C3orf70: variants seen among roughly 807,000 people sequenced by gnomAD.
The protein encoded by C3orf70 is UPF0524 protein C3orf70.
C3orf70 carries 15 observed loss-of-function variants against 20.7 expected under a neutral mutation model. The ratio of observed to expected loss-of-function variants is 0.72; its 90% confidence interval spans 0.48 to 1.11. The LOEUF is 1.11. C3orf70 is among the 50% of genes most tolerant of loss of function. The probability of loss-of-function intolerance (pLI) is 0.00; values close to 1 mark genes in which losing one functional copy is unlikely to be tolerated. For synonymous variants in C3orf70, 161 were observed against 125.7 expected, an observed-to-expected ratio of 1.28 and a Z score of -1.88; for missense variants, 332 against 317.6, an observed-to-expected ratio of 1.05 and a Z score of -0.34.
At chr3:185,086,305 A>C (rs1347821391) in intron 1 of C3orf70, among the ~76,000 whole-genome samples, 1 of 151,894 alleles carries the variant, frequency 6.6e-6, no homozygotes, top group African/African-American at 2.4e-5. Context: ...TTCTTTCTTG[A>C]AAGTGTAGTG....
At chr3:185,122,959 C>G (rs1561354603) in intron 1 of C3orf70, among the ~76,000 whole-genome samples, 1 of 151,350 alleles carries the variant, frequency 6.6e-6, no homozygotes, top group African/African-American at 2.4e-5. Flanking sequence ...AGTTCAAGAC[C>G]AGTCTGGCCA....
At chr3:185,095,302 C>T (rs1381075530) in intron 1 of C3orf70, among the ~76,000 whole-genome samples, 1 of 151,988 alleles carries the variant, frequency 6.6e-6, no homozygotes, top group African/African-American at 2.4e-5. Context: ...CAATGAAATC[C>T]CTATCGGGGG....
At chr3:185,151,171 A>G (rs1227392700) in intron 1 of C3orf70, among the ~76,000 whole-genome samples, 3 of 152,250 alleles carry the variant, frequency 2.0e-5, no homozygotes, top group African/African-American at 7.2e-5. Context: ...GAGTATTTTA[A>G]GAGTCAAGGC....
At chr3:185,117,806 A>G (rs1451423709) in intron 1 of C3orf70, among the ~76,000 whole-genome samples, 1 of 152,188 alleles carries the variant, frequency 6.6e-6, no homozygotes, top group Non-Finnish European at 1.5e-5. Context: ...GCTACGTTCT[A>G]GCTAGACTGA....
chr3:185,108,868 T>A (rs955311333), intron 1 of C3orf70, among the ~76,000 whole-genome samples: 15 of 152,226 alleles, frequency 9.9e-5, no homozygotes, highest in African/African-American at 3.6e-4. Flanking sequence ...TCTCACTTTG[T>A]CTGGGCTACA....
At chr3:185,113,336 C>A (rs1716112388) in intron 1 of C3orf70, among the ~76,000 whole-genome samples, 1 of 147,728 alleles carries the variant, frequency 6.8e-6, no homozygotes, top group Non-Finnish European at 1.5e-5. Context: ...ACAGATGAGA[C>A]TTGTAAAGAA....
At chr3:185,141,801 AACACAC>A (rs66562532) in intron 1 of C3orf70, among the ~76,000 whole-genome samples, 255 of 146,458 alleles carry the variant, frequency 1.7e-3, no homozygotes, top group African/African-American at 5.1e-3. Flanking sequence ...ATGCAAAGGA[AACACAC>A]ACACACACAC....
Position 185,083,346 on chromosome 3 carries a change from A to C in C3orf70, c.414T>G (p.Cys138Trp), listed in dbSNP as rs769351177. 1 of 1,614,182 alleles carries C rather than the reference A, an allele frequency of 6.2e-7. No individual in the cohort carries two copies. Among genetic ancestry groups the C allele is most frequent in the South Asian group, 1.1e-5 (1 of 91,084 alleles). ...DLFIDNYQVK[C>W]INGKMCYVQK... ...GCACATAACACATCTTCCCATTAAT[A>C]CATTTAACCTGATAGTTGTCAATAA... The change falls in exon 2 of 2, where the codon TGT (cysteine) becomes TGG (tryptophan). Residue 138 changes from cysteine (C) to tryptophan (W), a missense_variant. Cys to Trp is a radical substitution (Grantham distance 215). Transcript: ENST00000335012.
chr3:185,152,768 T>C lies in C3orf70; in HGVS notation c.56A>G (p.Asp19Gly). The change falls in exon 1 of 2, where the codon GAT becomes GGT. Residue 19 changes from aspartate to glycine, a missense_variant. Coordinates refer to ENST00000335012, the MANE Select transcript of C3orf70 (RefSeq NM_001025266.3). ...ACTCCGCGCCAGGGCCTGAGCCTCA[T>C]CTAGTTTCTCGCTCTTCCAACCCCG... ...SERGWKSEKL[D>G]EAQALARSCA... The C allele has an allele frequency of 6.3e-7, 1 of 1,584,568 alleles. No homozygotes were observed. Among genetic ancestry groups the C allele is most frequent in the Non-Finnish European group, 8.6e-7 (1 of 1,166,192 alleles).
At chr3:185,116,881 C>T (rs1349561072) in intron 1 of C3orf70, among the ~76,000 whole-genome samples, 1 of 151,898 alleles carries the variant, frequency 6.6e-6, no homozygotes, top group African/African-American at 2.4e-5. Context: ...GGGGTTCACG[C>T]CATTCTCCTG....
At position 185,078,415 on chromosome 3, in the gene C3orf70, GCTAA is replaced by G. The variant is rs1282879965; in HGVS notation, c.*4588_*4591del. On this transcript the variant is annotated 3_prime_UTR_variant, in exon 2 of 2. Transcript: ENST00000335012. ...TGAAACATGGCCTTTTCCTAGAACA[GCTAA>G]CTCTCAGTTATCTACAGTAATGAAA... 6 of 152,206 alleles carry G rather than the reference GCTAA, an allele frequency of 3.9e-5. No individual in the cohort carries two copies. The highest frequency in any genetic ancestry group is 1.4e-4 in the African/African-American group (6 of 41,438). 9.4% of individuals were successfully genotyped at this position (152,206 alleles called of 1,614,324 possible).
rs1715320443 is a variant in C3orf70, at chr3:185,080,803, C to T, written c.*2204G>A. On this transcript the variant is annotated 3_prime_UTR_variant, in exon 2 of 2. Coordinates refer to ENST00000335012, the MANE Select transcript of C3orf70 (RefSeq NM_001025266.3). Reference sequence around the variant, plus strand: ...GGAAGCTCCTCATGCTCACACCTGCCTCCAACTGCCCTCTCCTGGGCCTTT... The same window carrying T: ...GGAAGCTCCTCATGCTCACACCTGCTTCCAACTGCCCTCTCCTGGGCCTTT... 1 of 152,192 alleles carries T rather than the reference C, an allele frequency of 6.6e-6. No homozygotes were observed. The highest frequency in any genetic ancestry group is 2.1e-4 in the South Asian group (1 of 4,828). The allele number at this position is 152,192 out of a possible 1,614,324, so 9.4% of individuals were successfully genotyped here.
At chr3:185,105,843 C>T (rs910829702) in intron 1 of C3orf70, among the ~76,000 whole-genome samples, 15 of 152,120 alleles carry the variant, frequency 9.9e-5, no homozygotes, top group African/African-American at 3.4e-4. Context: ...AGAAGGGGAG[C>T]TTGGAAGCGT....
chr3:185,112,209 G>C (rs761156868), intron 1 of C3orf70, among the ~76,000 whole-genome samples: 1 of 152,186 alleles, frequency 6.6e-6, no homozygotes, highest in Non-Finnish European at 1.5e-5. Flanking sequence ...AGAATCGCTT[G>C]AACCTGGGAG....
In C3orf70 at chr3:185,077,785, GT is replaced by G. The variant is rs1561317514; in HGVS notation, c.*5221del. On this transcript the variant is annotated 3_prime_UTR_variant, in exon 2 of 2. Transcript: ENST00000335012. ...CGTGTGAAATAAATGCTATTTGGTG[GT>G]GGTGGGGGGGGGGTATCAAGTTTTA... Among the ~76,000 whole-genome samples the G allele has an allele frequency of 1.6e-5, 2 of 125,414 alleles. No individual in the cohort carries two copies. The highest frequency in any genetic ancestry group is 3.2e-5 in the Non-Finnish European group (2 of 62,026). The allele number at this position is 125,414 out of a possible 152,430, so 82.3% of individuals were successfully genotyped here. A position where few individuals can be genotyped will look rare whatever the true frequency, so the allele number is the denominator to read the frequency against.
At chr3:185,109,455 G>A (rs1038604472) in intron 1 of C3orf70, among the ~76,000 whole-genome samples, 6 of 152,240 alleles carry the variant, frequency 3.9e-5, no homozygotes, top group East Asian at 3.9e-4. Context: ...AGGACCCCCC[G>A]GTTGCAGCCA....
chr3:185,095,694 C>T (rs1175185690), intron 1 of C3orf70, among the ~76,000 whole-genome samples: 1 of 151,298 alleles, frequency 6.6e-6, no homozygotes, highest in African/African-American at 2.4e-5. Flanking sequence ...ATTCAAGAAC[C>T]TCATTTTCAA....
chr3:185,096,257 A>G (rs1715698724), intron 1 of C3orf70, among the ~76,000 whole-genome samples: 1 of 152,202 alleles, frequency 6.6e-6, no homozygotes, highest in African/African-American at 2.4e-5. Context: ...TAATGAGTTT[A>G]ATATTTACAG....
chr3:185,079,623 T>C lies in C3orf70; in HGVS notation c.*3384A>G, dbSNP rs1222604295. ...GAAAAGTTATAAGCATATTTGAAAC[T>C]TGAAACTTCTAAAATCTTGGTTAGA... On this transcript the variant is annotated 3_prime_UTR_variant, in exon 2 of 2. Coordinates refer to ENST00000335012, the MANE Select transcript of C3orf70 (RefSeq NM_001025266.3). The C allele has an allele frequency of 6.6e-6, 1 of 152,252 alleles. No individual in the cohort carries two copies. The highest frequency in any genetic ancestry group is 1.5e-5 in the Non-Finnish European group (1 of 68,040). The allele number at this position is 152,252 out of a possible 1,614,324, so 9.4% of individuals were successfully genotyped here.
Sources: allele counts gnomAD v4.1 joint callset (sites outside exome capture counted in the v4.1 genomes callset), GRCh38; gene constraint gnomAD v4.1.1; transcripts MANE v1.5; gene names NCBI Gene and HGNC (gene_info 2026-07-23, HGNC 2026-07-21).